The following KCNH2 variants were observed in gnomAD, a reference collection of about 807,000 sequenced individuals.
KCNH2 encodes voltage-gated inwardly rectifying potassium channel KCNH2.
Under a neutral mutation model 95.9 loss-of-function variants are expected in KCNH2, and 35 were observed. The observed-to-expected ratio is 0.37, with a 90% CI of 0.28 to 0.48. The LOEUF (loss-of-function observed/expected upper bound fraction) is 0.48. Ranked by LOEUF, KCNH2 falls within the 20% of genes least tolerant of loss-of-function variation. The pLI is 0.99. For synonymous variants in KCNH2, 786 were observed against 754.7 expected (o/e 1.04, Z -0.68); for missense variants, 1,274 against 1,702.9 (o/e 0.75, Z 4.43).
intron 13 of KCNH2, 117 bp from the exon 14 acceptor site, chr7:150,947,171 C>CGCTAGAG (rs1800927714): frequency 1.8e-6 from 2 of 1,123,040 alleles, no homozygotes; most frequent in Non-Finnish European, 2.5e-6. Context: ...AGGCCCTCCG[C>CGCTAGAG]GCTAGAGGTG....
rs1332119969 is a variant in KCNH2 at position 150,962,306 on chromosome 7, C to G, written c.308-2570G>C. 6.6e-6 allele frequency among the ~76,000 whole-genome samples: 1 copy of G among 152,210 alleles called. No individual in the cohort carries two copies. The highest frequency in any genetic ancestry group is 1.5e-5 in the Non-Finnish European group (1 of 68,038). ...ACCCACCCCAGGGACCACAGCCAGC[C>G]AGGCCCTCGAACCTAAGTCCTCCAC... On this transcript the variant is annotated intron_variant, in intron 2 of 14. Transcript: ENST00000262186. The surrounding 1 kb of genome is among the most constrained non-coding windows in gnomAD (Gnocchi z 5.7).
At chr7:150,977,342 C>T (rs1036145) in intron 1 of KCNH2, among the ~76,000 whole-genome samples, 40,221 of 152,052 alleles carry the variant, frequency 0.26, 6,070 homozygotes, top group Non-Finnish European at 0.34. Flanking sequence ...TATATACACA[C>T]GGCACACACA....
chr7:150,974,647 T>G, intron 2 of KCNH2, 64 bp downstream of exon 2: 4 of 219,254 alleles, frequency 1.8e-5, no homozygotes, highest in Non-Finnish European at 2.3e-5. Flanking sequence ...ACCCTGCCCC[T>G]CGCCGTGGTC....
chr7:150,958,650 C>T (rs1584866745), intron 3 of KCNH2, 148 bp from the exon 4 acceptor site: 2 of 551,974 alleles, frequency 3.6e-6, no homozygotes, highest in African/African-American at 2.0e-5. Context: ...ATATTTTGAC[C>T]TCGAGTCTCA....
chr7:150,959,628 C>G lies in KCNH2; in HGVS notation c.416G>C (p.Gly139Ala), dbSNP rs1451114925. ...GTGGTTGGTGTCATGAGCCGGGGAC[C>G]CCACCATGTCCTTCTCCATCACCAC... is the stretch of plus-strand genomic sequence containing the variant. ...FEVVMEKDMV[G>A]SPAHDTNHRG... The change falls in exon 3 of 15, where the codon GGG becomes GCG. Residue 139 changes from glycine (G) to alanine (A), a missense_variant. Physicochemically the swap from Gly to Ala is moderately conservative, Grantham distance 60 (BLOSUM62 0). Transcript: ENST00000262186. 3 of 1,614,160 alleles carry G rather than the reference C, an allele frequency of 1.9e-6. No homozygotes were observed. In the Admixed American group the frequency reaches 5.0e-5, roughly 27 times the overall value.
chr7:150,946,483 C>T lies in KCNH2; in HGVS notation c.3330+394G>A, dbSNP rs1800893214. ...GTCCCTAGATACTCTGGTATGCAGC[C>T]TCCACCGCCACGTCTCGGGCTCAGT... On this transcript the variant is annotated intron_variant, in intron 14 of 14. Transcript: ENST00000262186. The surrounding 1 kb of genome is among the most constrained non-coding windows in gnomAD (Gnocchi z 6.5). Among the ~76,000 whole-genome samples, 1 of 152,322 alleles carries T rather than the reference C, an allele frequency of 6.6e-6. No individual in the cohort carries two copies. Among genetic ancestry groups the T allele is most frequent in the Middle Eastern group, 3.4e-3 (1 of 294 alleles).
At position 150,947,627 on chromosome 7, in the gene KCNH2, C is replaced by T. The variant is rs569452580; in HGVS notation, c.2944G>A (p.Asp982Asn). Residue 982 changes from aspartate to asparagine, a missense_variant, in exon 12 of 15, where the codon GAC becomes AAC. Asp to Asn is a conservative substitution (Grantham distance 23). Transcript: ENST00000262186. The part of the protein sequence containing the change: ...PLMEDCEKSS[D>N]TCNPLSGAFS... The stretch of plus-strand genomic sequence containing the variant: ...ATACCTGACAGGGGGTTGCAAGTGT[C>T]GCTGCTCTTCTCGCAGTCCTCCATC... The T allele has an allele frequency of 2.7e-5, 43 of 1,612,664 alleles. No individual in the cohort carries two copies. The African/African-American group carries it at 3.7e-4, about 14-fold the overall frequency.
At chr7:150,951,341 T>C in intron 7 of KCNH2, 107 bp downstream of exon 7, 1 of 1,278,116 alleles carries the variant, frequency 7.8e-7, no homozygotes, top group East Asian at 2.6e-5. Flanking sequence ...CCCTGGAGTC[T>C]CTAAGTTCCA....
rs909520772 is a variant in KCNH2 at position 150,945,946 on chromosome 7, C to T, written c.3331-432G>A. On this transcript the variant is annotated intron_variant, in intron 14 of 14. Coordinates refer to ENST00000262186, the MANE Select transcript of KCNH2 (RefSeq NM_000238.4). The surrounding 1 kb of genome is among the most constrained non-coding windows in gnomAD (Gnocchi z 5.6). ...GGACCTAGAAACAGAGGCAGGCTGG[C>T]GGCCAGGCATCTGAAGGCCAGGGAG... 3.3e-5 allele frequency among the ~76,000 whole-genome samples: 5 copies of T among 152,298 alleles called. No individual in the cohort carries two copies. The highest frequency in any genetic ancestry group is 6.5e-5 in the Admixed American group (1 of 15,310).
intron 2 of KCNH2, among the ~76,000 whole-genome samples, chr7:150,972,750 T>C (rs1801871860): frequency 6.6e-6 from 1 of 152,232 alleles, no homozygotes; most frequent in South Asian, 2.1e-4. Flanking sequence ...TCATCAGACC[T>C]CTGCTTCTCC....
intron 5 of KCNH2, chr7:150,955,503 T>C (rs1801339553): frequency 1.3e-6 from 2 of 1,544,874 alleles, no homozygotes; most frequent in African/African-American, 1.4e-5. Context: ...GGGGCCGCCA[T>C]GGAGGACTTG....
At chr7:150,960,181 G>C (rs747051762) in intron 2 of KCNH2, among the ~76,000 whole-genome samples, 1 of 152,110 alleles carries the variant, frequency 6.6e-6, no homozygotes, top group African/African-American at 2.4e-5. Flanking sequence ...TTCATAGCCC[G>C]GATCTGCTGC....
In KCNH2 at chr7:150,953,357, G is replaced by A. The variant is rs543950896; in HGVS notation, c.1129-504C>T. Among the ~76,000 whole-genome samples, 114 of 152,238 alleles carry A rather than the reference G, an allele frequency of 7.5e-4. 1 individual carries two copies. Among genetic ancestry groups the A allele is most frequent in the African/African-American group, 2.6e-3 (106 of 41,548 alleles). ...TCATGCCACAGGCCCGAGGACACCAGGCAACCAGGATGGAGAAAGACCAAG... is the reference window on the plus strand; with the variant it reads ...TCATGCCACAGGCCCGAGGACACCAAGCAACCAGGATGGAGAAAGACCAAG... On this transcript the variant is annotated intron_variant, in intron 5 of 14. Coordinates refer to ENST00000262186, the MANE Select transcript of KCNH2 (RefSeq NM_000238.4).
Position 150,947,708 on chromosome 7 carries a change from G to C in KCNH2, c.2863C>G (p.Leu955Val), listed in dbSNP as rs199473012. The change falls in exon 12 of 15, where the codon CTG becomes GTG. Residue 955 changes from leucine to valine, a missense_variant. Physicochemically the swap from Leu to Val is conservative, Grantham distance 32. Transcript: ENST00000262186. ...GGCCTGGGGCTGGAGAAGGGCACCA[G>C]GCGGAGGGGGCTGGAGCTGCGGCCT... The part of the protein sequence containing the change: ...GPGRSSSPLR[L>V]VPFSSPRPPG... The C allele has an allele frequency of 5.8e-5, 92 of 1,585,518 alleles. No homozygotes were observed. The highest frequency in any genetic ancestry group is 1.8e-4 in the Middle Eastern group (1 of 5,686).
At position 150,974,865 on chromosome 7, in the gene KCNH2, C is replaced by G; in HGVS notation, c.153G>C (p.Leu51=). 6.2e-7 allele frequency: 1 copy of G among 1,611,786 alleles called. No individual in the cohort carries two copies. The highest frequency in any genetic ancestry group is 1.1e-5 in the South Asian group (1 of 90,906). ...VIYCNDGFCE[L]CGYSRAEVMQ... is the part of the protein sequence containing the mutation. The stretch of plus-strand genomic sequence containing the variant: ...TCACCTCGGCCCGCGAGTAGCCGCA[C>G]AGCTCGCAGAAGCCGTCGTTGCAGT... Residue 51 remains leucine (L), a synonymous_variant, in exon 2 of 15, where the codon CTG becomes CTC. Transcript: ENST00000262186.
At chr7:150,967,851 A>G (rs1185695239) in intron 2 of KCNH2, among the ~76,000 whole-genome samples, 2 of 152,266 alleles carry the variant, frequency 1.3e-5, no homozygotes, top group African/African-American at 4.8e-5. Context: ...CAGTTCAACA[A>G]GGAATTAAAA....
chr7:150,970,663 A>G (rs946451229), intron 2 of KCNH2, among the ~76,000 whole-genome samples: 1 of 152,134 alleles, frequency 6.6e-6, no homozygotes, highest in African/African-American at 2.4e-5. Flanking sequence ...ACTGGCTCGG[A>G]AGCAGGGCCC....
rs1316010873 is a variant in KCNH2 at position 150,975,069 on chromosome 7, T to C, written c.77-128A>G. 5.8e-6 allele frequency: 4 copies of C among 684,392 alleles called. No homozygotes were observed. The East Asian group carries it at 9.5e-5, about 16-fold the overall frequency. 42.4% of individuals were successfully genotyped at this position (684,392 alleles called of 1,614,324 possible). ...CCGCCACAGGAAGCATGGCTGGGAC[T>C]GGGGTCCCAGCAGGGGGCGAACGCA... On this transcript the variant is annotated intron_variant, in intron 1 of 14. Transcript: ENST00000262186.
intron 13 of KCNH2, 22 bp from the exon 14 acceptor site, chr7:150,947,076 G>A (rs1222282721): frequency 7.3e-7 from 1 of 1,373,636 alleles, no homozygotes; most frequent in Admixed American, 2.0e-5. Flanking sequence ...AGTGGGGGAT[G>A]CTCAGAGAAG....
Sources: gnomAD v4.1 joint callset for allele counts (sites outside exome capture counted in the v4.1 genomes callset) on GRCh38, gnomAD v4.1.1 for gene constraint, Gnocchi (gnomAD v3.1) non-coding constraint, MANE v1.5 for transcripts, NCBI Gene and HGNC (gene_info 2026-07-23, HGNC 2026-07-21) for gene names.